Variants in ZNG1B observed in about 807,000 individuals in gnomAD.
The protein encoded by ZNG1B is zinc-regulated GTPase metalloprotein activator 1B.
At chr2:113,471,621 A>C in the ZNG1B span, among the ~76,000 whole-genome samples, 2 of 137,264 alleles carry the variant, frequency 1.5e-5, no homozygotes, top group Non-Finnish European at 3.2e-5. Flanking sequence ...TCCCAATGCT[A>C]TCCCTCCCCC....
At chr2:113,440,935 CATT>C in the ZNG1B span, among the ~76,000 whole-genome samples, 1 of 143,086 alleles carries the variant, frequency 7.0e-6, no homozygotes, top group South Asian at 2.3e-4. Flanking sequence ...ACATTCTGTC[CATT>C]GTTGACACTA....
chr2:113,442,634 C>G, the ZNG1B span, among the ~76,000 whole-genome samples: 1 of 152,122 alleles, frequency 6.6e-6, no homozygotes, highest in African/African-American at 2.4e-5. Context: ...TTTCCTGGAT[C>G]ATTTTCGCAA....
chr2:113,476,071 A>G, the ZNG1B span, among the ~76,000 whole-genome samples: 3 of 151,682 alleles, frequency 2.0e-5, no homozygotes, highest in Non-Finnish European at 3.0e-5. Flanking sequence ...CCTGGATAAT[A>G]TCCTGCAGAG....
the ZNG1B span, among the ~76,000 whole-genome samples, chr2:113,487,444 T>C: frequency 6.6e-6 from 1 of 152,176 alleles, no homozygotes; most frequent in Admixed American, 6.5e-5. Context: ...TATAGTATTG[T>C]TAACTGTATG....
chr2:113,477,604 G>T, the ZNG1B span, among the ~76,000 whole-genome samples: 2 of 152,126 alleles, frequency 1.3e-5, no homozygotes, highest in Non-Finnish European at 2.9e-5. Context: ...AATCTTTTTG[G>T]TAAGGGAGGG....
the ZNG1B span, chr2:113,460,782 G>T: frequency 1.3e-6 from 2 of 1,567,660 alleles, no homozygotes; most frequent in Non-Finnish European, 1.7e-6. Flanking sequence ...TCACTAAGAT[G>T]AAAACCAAAA....
chr2:113,469,828 A>G, the ZNG1B span: 2 of 149,320 alleles, frequency 1.3e-5, no homozygotes, highest in African/African-American at 5.0e-5. Context: ...TAAAGAAAAA[A>G]AAATCTTGAA....
chr2:113,476,136 A>G, the ZNG1B span, among the ~76,000 whole-genome samples: 1 of 151,468 alleles, frequency 6.6e-6, no homozygotes, highest in East Asian at 2.0e-4. Context: ...CCAATCAGAC[A>G]TAGATTTGGT....
chr2:113,455,944 C>T, the ZNG1B span, among the ~76,000 whole-genome samples: 1 of 150,250 alleles, frequency 6.7e-6, no homozygotes, highest in Non-Finnish European at 1.5e-5. Context: ...TCATGAACTC[C>T]TGACCTCAAG....
At chr2:113,449,232 A>G in the ZNG1B span, among the ~76,000 whole-genome samples, 1 of 152,088 alleles carries the variant, frequency 6.6e-6, no homozygotes, top group African/African-American at 2.4e-5. Context: ...TCATATCAGC[A>G]ATAAGGCTGT....
At chr2:113,473,104 C>A in the ZNG1B span, among the ~76,000 whole-genome samples, 23 of 150,212 alleles carry the variant, frequency 1.5e-4, no homozygotes, top group African/African-American at 5.6e-4. Flanking sequence ...GATATTGATT[C>A]TTCCTACCCA....
the ZNG1B span, among the ~76,000 whole-genome samples, chr2:113,443,490 A>G: frequency 9.3e-5 from 14 of 151,036 alleles, no homozygotes; most frequent in Non-Finnish European, 1.0e-4. Flanking sequence ...TACTTTATTA[A>G]GAAATGGGGG....
At chr2:113,444,838 A>C in the ZNG1B span, 2 of 1,343,390 alleles carry the variant, frequency 1.5e-6, no homozygotes, top group South Asian at 2.9e-5. Context: ...GTTAGAAGTG[A>C]GTTAAATTTT....
the ZNG1B span, among the ~76,000 whole-genome samples, chr2:113,464,933 G>A: frequency 6.6e-6 from 1 of 151,976 alleles, no homozygotes; most frequent in Non-Finnish European, 1.5e-5. Context: ...TGGAATATAT[G>A]TGATTTATTG....
the ZNG1B span, among the ~76,000 whole-genome samples, chr2:113,463,460 GA>G: frequency 6.6e-6 from 1 of 152,232 alleles, no homozygotes; most frequent in East Asian, 1.9e-4. Flanking sequence ...CTCATTAGGA[GA>G]TTATTTGCCA....
At chr2:113,473,226 G>A in the ZNG1B span, among the ~76,000 whole-genome samples, 1 of 151,852 alleles carries the variant, frequency 6.6e-6, no homozygotes, top group African/African-American at 2.4e-5. Context: ...AGATTCCTAG[G>A]TATTTTATTC....
the ZNG1B span, chr2:113,468,496 C>G: frequency 7.7e-5 from 11 of 142,764 alleles, no homozygotes; most frequent in East Asian, 2.0e-3. Context: ...TTAGGTACTT[C>G]TGGAATAGAG....
chr2:113,445,795 TA>T, the ZNG1B span, among the ~76,000 whole-genome samples: 9 of 124,574 alleles, frequency 7.2e-5, 1 homozygote, highest in South Asian at 1.7e-3. Context: ...CCCATACCAT[TA>T]TTTTTTTTTT....
the ZNG1B span, among the ~76,000 whole-genome samples, chr2:113,446,049 T>C: frequency 1.3e-5 from 2 of 151,746 alleles, no homozygotes; most frequent in Non-Finnish European, 2.9e-5. Context: ...TTCATACCTT[T>C]CTGATAAATC....
Sources: allele counts gnomAD v4.1 joint callset (sites outside exome capture counted in the v4.1 genomes callset), GRCh38; gene constraint gnomAD v4.1.1; transcripts MANE v1.5; gene names NCBI Gene and HGNC (gene_info 2026-07-23, HGNC 2026-07-21).